Variants in B3GALT1 observed in about 807,000 individuals in gnomAD.
The protein encoded by B3GALT1 is UDP-Gal:betaGlcNAc beta 1,3-galactosyltransferase, polypeptide 1.
In B3GALT1, 10 loss-of-function variants were observed where a neutral mutation model predicts 23.2. The observed-to-expected ratio is 0.43, with a 90% CI of 0.27 to 0.73. The LOEUF is 0.73. Among genes scored for constraint, B3GALT1 ranks in the 30% least tolerant of loss-of-function variants. The probability of loss-of-function intolerance (pLI) is 0.21; values close to 1 mark genes in which losing one functional copy is unlikely to be tolerated. For missense variants in B3GALT1, 299 were observed against 405.4 expected (o/e 0.74, Z 2.25); for synonymous variants, 156 against 141.5 (o/e 1.10, Z -0.73).
chr2:167,386,330 G>A (rs1339182166), intron 1 of B3GALT1, among the ~76,000 whole-genome samples: 3 of 152,130 alleles, frequency 2.0e-5, no homozygotes, highest in Non-Finnish European at 2.9e-5. Context: ...CCCAAACCCA[G>A]GTGATTAGAT....
At chr2:167,513,091 A>AG (rs1700052368) in intron 2 of B3GALT1, among the ~76,000 whole-genome samples, 11 of 146,202 alleles carry the variant, frequency 7.5e-5, no homozygotes, top group African/African-American at 2.6e-4. Context: ...AAAAAAAAAA[A>AG]GTGGAATCAC....
At chr2:167,313,264 T>A (rs775634286) in intron 1 of B3GALT1, among the ~76,000 whole-genome samples, 1 of 152,132 alleles carries the variant, frequency 6.6e-6, no homozygotes, top group Non-Finnish European at 1.5e-5. Context: ...TGTTCCCTAC[T>A]TTTTATAGAA....
chr2:167,649,991 T>C (rs1685832554), intron 3 of B3GALT1, among the ~76,000 whole-genome samples: 1 of 151,806 alleles, frequency 6.6e-6, no homozygotes, highest in African/African-American at 2.4e-5. Context: ...TTTGTCTTTT[T>C]CGTGACCTTA....
intron 1 of B3GALT1, among the ~76,000 whole-genome samples, chr2:167,316,302 C>A (rs952860479): frequency 2.6e-5 from 4 of 152,000 alleles, no homozygotes; most frequent in African/African-American, 9.7e-5. Flanking sequence ...TCACAAAAAC[C>A]TTTACTATAG....
At chr2:167,544,354 G>T (rs528732917) in intron 2 of B3GALT1, among the ~76,000 whole-genome samples, 18 of 152,256 alleles carry the variant, frequency 1.2e-4, no homozygotes, top group African/African-American at 4.1e-4. Context: ...GAGTGCAGTG[G>T]CATGATCTCG....
At chr2:167,718,701 G>T (rs1005875103) in intron 3 of B3GALT1, among the ~76,000 whole-genome samples, 9 of 152,322 alleles carry the variant, frequency 5.9e-5, no homozygotes, top group African/African-American at 2.2e-4. Context: ...GCAGAAGTGT[G>T]ATGGGAGGAC....
intron 2 of B3GALT1, among the ~76,000 whole-genome samples, chr2:167,550,873 C>T (rs1163644521): frequency 2.6e-5 from 4 of 152,332 alleles, no homozygotes; most frequent in South Asian, 2.1e-4. Flanking sequence ...CCACCAATTT[C>T]AGTGACTTAA....
rs548481745 is a variant in B3GALT1 at position 167,448,907 on chromosome 2, A to G, written c.-510-41270A>G. ...TGGCTTTTTCTAAGATCAGTTGGCT[A>G]TAAGTGTTTGGCTTTATTTCTGGAT... is the stretch of plus-strand genomic sequence containing the variant. On this transcript the variant is annotated intron_variant, in intron 1 of 4. Coordinates refer to ENST00000392690, the MANE Select transcript of B3GALT1 (RefSeq NM_020981.4). Among the ~76,000 whole-genome samples the G allele has an allele frequency of 8.5e-5, 13 of 152,184 alleles. 1 individual carries two copies. The South Asian group carries it at 1.7e-3, about 19-fold the overall frequency.
chr2:167,689,507 A>G (rs1338699637), intron 3 of B3GALT1, among the ~76,000 whole-genome samples: 1 of 152,202 alleles, frequency 6.6e-6, no homozygotes, highest in African/African-American at 2.4e-5. Flanking sequence ...ACCACTAAAT[A>G]CAATAGACTT....
intron 1 of B3GALT1, among the ~76,000 whole-genome samples, chr2:167,346,978 A>T (rs990518201): frequency 3.3e-5 from 5 of 152,178 alleles, no homozygotes; most frequent in Non-Finnish European, 5.9e-5. Context: ...AGTTCATATA[A>T]ATGTAGTTAT....
At chr2:167,803,284 G>A (rs1480716672) in intron 3 of B3GALT1, among the ~76,000 whole-genome samples, 1 of 152,172 alleles carries the variant, frequency 6.6e-6, no homozygotes, top group Non-Finnish European at 1.5e-5. Flanking sequence ...TATGCATTTT[G>A]AAGAACAAAT....
intron 1 of B3GALT1, among the ~76,000 whole-genome samples, chr2:167,454,508 G>A (rs1699141678): frequency 6.6e-6 from 1 of 152,154 alleles, no homozygotes; most frequent in African/African-American, 2.4e-5. Flanking sequence ...TACTTTTAAA[G>A]TTTGGAGACC....
At chr2:167,325,054 A>T (rs935633277) in intron 1 of B3GALT1, among the ~76,000 whole-genome samples, 2 of 152,148 alleles carry the variant, frequency 1.3e-5, no homozygotes, top group Admixed American at 6.5e-5. Flanking sequence ...ACACGATTTC[A>T]TTCTTTTGTA....
intron 1 of B3GALT1, among the ~76,000 whole-genome samples, chr2:167,294,635 A>G (rs1015036830): frequency 6.6e-6 from 1 of 152,276 alleles, no homozygotes; most frequent in African/African-American, 2.4e-5. Context: ...CTCAATACTA[A>G]GGAGCTCTCC....
intron 3 of B3GALT1, among the ~76,000 whole-genome samples, chr2:167,780,293 T>A (rs1303206027): frequency 6.6e-6 from 1 of 152,188 alleles, no homozygotes; most frequent in East Asian, 1.9e-4. Context: ...TGCTGAGAGA[T>A]TGAACTCTCA....
chr2:167,748,310 G>C (rs543574768), intron 3 of B3GALT1, among the ~76,000 whole-genome samples: 1 of 152,036 alleles, frequency 6.6e-6, no homozygotes, highest in African/African-American at 2.4e-5. Flanking sequence ...CAAGCCATCA[G>C]TTATCCACCG....
intron 2 of B3GALT1, among the ~76,000 whole-genome samples, chr2:167,564,018 C>T (rs1450866018): frequency 6.6e-6 from 1 of 150,482 alleles, no homozygotes; most frequent in South Asian, 2.1e-4. Flanking sequence ...TCCCACCTCC[C>T]TCCCGGACGA....
chr2:167,873,291 GTCT>G lies in B3GALT1; in HGVS notation c.*3276_*3278del, dbSNP rs1488638989. The G allele has an allele frequency of 6.6e-6, 1 of 151,936 alleles. No homozygotes were observed. Among genetic ancestry groups the G allele is most frequent in the African/African-American group, 2.4e-5 (1 of 41,342 alleles). 9.4% of individuals were successfully genotyped at this position (151,936 alleles called of 1,614,324 possible). On this transcript the variant is annotated 3_prime_UTR_variant, in exon 5 of 5. Transcript: ENST00000392690. The stretch of plus-strand genomic sequence containing the variant: ...TGGTGGCTAGTTTCGGTGGCTTGGT[GTCT>G]TCTTATATTGGAACAAGTGTCCATT...
intron 1 of B3GALT1, among the ~76,000 whole-genome samples, chr2:167,426,988 AGTTGTGG>A (rs1698631699): frequency 4.6e-5 from 7 of 152,240 alleles, no homozygotes; most frequent in Admixed American, 4.6e-4. Context: ...AAAATGGATA[AGTTGTGG>A]TATGTCATAG....
Sources: gnomAD v4.1 joint callset for allele counts (sites outside exome capture counted in the v4.1 genomes callset) on GRCh38, gnomAD v4.1.1 for gene constraint, MANE v1.5 for transcripts, NCBI Gene and HGNC (gene_info 2026-07-23, HGNC 2026-07-21) for gene names.